ASH2L: variants seen among roughly 807,000 people sequenced by gnomAD.
ASH2L encodes set1/Ash2 histone methyltransferase complex subunit ASH2.
Under a neutral mutation model 81.1 loss-of-function variants are expected in ASH2L, and 30 were observed. The ratio of observed to expected loss-of-function variants is 0.37; its 90% CI spans 0.28 to 0.50. The LOEUF is 0.50. ASH2L is among the 20% of genes least tolerant of loss of function. ASH2L has a pLI of 0.95. For synonymous variants in ASH2L, 273 were observed against 279.9 expected (o/e 0.98, Z 0.24); for missense variants, 559 against 792.1 (o/e 0.71, Z 3.53).
rs1801937307 is a variant in ASH2L, at chr8:38,128,307, C to G, written c.1182C>G (p.Ile394Met). The G allele has an allele frequency of 6.2e-7, 1 of 1,614,130 alleles. No homozygotes were observed. The highest frequency in any genetic ancestry group is 1.7e-5 in the Admixed American group (1 of 60,004). ...ALHDRAPQLKISDDRLTVVGE... is the reference protein window; with the variant it reads ...ALHDRAPQLKMSDDRLTVVGE... ...TCACCGCAGCTCCCCAGTTAAAGAT[C>G]TCAGATGACCGGCTGACTGTGGTTG... is the stretch of plus-strand genomic sequence containing the variant. The change falls in exon 11 of 16, where the codon ATC becomes ATG. Residue 394 changes from isoleucine to methionine, a missense_variant. Physicochemically the swap from Ile to Met is conservative, Grantham distance 10. Transcript: ENST00000343823.
At chr8:38,134,020 AC>A (rs998402338) in intron 13 of ASH2L, among the ~76,000 whole-genome samples, 6 of 152,038 alleles carry the variant, frequency 3.9e-5, no homozygotes, top group African/African-American at 1.4e-4. Context: ...CTATGACCTT[AC>A]CCCCAACCCT....
At chr8:38,105,844 G>A (rs879525393) in intron 1 of ASH2L, 106 bp downstream of exon 1, 80 of 1,435,888 alleles carry the variant, frequency 5.6e-5, no homozygotes, top group Non-Finnish European at 7.2e-5. Flanking sequence ...CCCAGGCCCC[G>A]CCGCCAATGG....
At chr8:38,132,104 C>T (rs1802084325) in intron 12 of ASH2L, among the ~76,000 whole-genome samples, 1 of 152,124 alleles carries the variant, frequency 6.6e-6, no homozygotes, top group Non-Finnish European at 1.5e-5. Flanking sequence ...GCCTCAGCCT[C>T]CCAAAATGCT....
At chr8:38,108,928 A>G (rs181849304) in intron 3 of ASH2L, among the ~76,000 whole-genome samples, 257 of 152,222 alleles carry the variant, frequency 1.7e-3, no homozygotes, top group Middle Eastern at 0.01. Context: ...AGAAATAGAA[A>G]AAAATTAGCT....
At chr8:38,106,798 A>T (rs181040838) in intron 2 of ASH2L, among the ~76,000 whole-genome samples, 29 of 141,964 alleles carry the variant, frequency 2.0e-4, no homozygotes, top group African/African-American at 7.3e-4. Flanking sequence ...GGCGTGAGCC[A>T]CCGCGCCCGG....
In ASH2L at chr8:38,139,116, G is replaced by A. The variant is rs1396558674; in HGVS notation, c.*45G>A. The A allele has an allele frequency of 7.0e-7, 1 of 1,422,452 alleles. No homozygotes were observed. The highest frequency in any genetic ancestry group is 2.5e-5 in the Admixed American group (1 of 40,714). 88.1% of individuals were successfully genotyped at this position (1,422,452 alleles called of 1,614,324 possible). ...CAAGGACTTTCTGGGAATAATACTG[G>A]GGGTTTTGTTTTTGTTTTTGAACTG... On this transcript the variant is annotated 3_prime_UTR_variant, in exon 16 of 16. Coordinates refer to ENST00000343823, the MANE Select transcript of ASH2L (RefSeq NM_004674.5).
In ASH2L at chr8:38,121,034, G is replaced by T. The variant is rs766201172; in HGVS notation, c.1050G>T (p.Pro350=). 9 of 1,613,434 alleles carry T rather than the reference G, an allele frequency of 5.6e-6. No homozygotes were observed. Among genetic ancestry groups the T allele is most frequent in the Admixed American group, 1.7e-5 (1 of 59,910 alleles). The change falls in exon 10 of 16, where the codon CCG becomes CCT. Residue 350 remains proline (P), a synonymous_variant. Transcript: ENST00000343823. The part of the protein sequence containing the change: ...GYRYILAEPD[P]HAPDPEKLEL... ...GGTATATTCTAGCTGAGCCTGATCC[G>T]CACGCCCCTGACCCCGAGAAGCTGG...
intron 13 of ASH2L, among the ~76,000 whole-genome samples, chr8:38,134,738 G>T (rs1802188008): frequency 6.6e-6 from 1 of 152,088 alleles, no homozygotes; most frequent in South Asian, 2.1e-4. Flanking sequence ...AAAGAAACGA[G>T]TTTCAGCTGT....
Position 38,135,774 on chromosome 8 carries a change from C to T in ASH2L, c.1719+8C>T. The T allele has an allele frequency of 6.3e-7, 1 of 1,584,976 alleles. No individual in the cohort carries two copies. Among genetic ancestry groups the T allele is most frequent in the Non-Finnish European group, 8.6e-7 (1 of 1,166,490 alleles). The stretch of plus-strand genomic sequence containing the variant: ...CTGTACAAGAGCTGCACGGTACGTA[C>T]ATGTTTCCATCCCATGAGCAAAACT... On this transcript the variant is annotated splice_region_variant and intron_variant, in intron 14 of 15. Transcript: ENST00000343823.
chr8:38,120,618 T>TTCCC (rs1563255027), intron 9 of ASH2L, among the ~76,000 whole-genome samples: 1 of 4,582 alleles, frequency 2.2e-4, no homozygotes, highest in Non-Finnish European at 1.7e-3. Flanking sequence ...TCTCCTCCCT[T>TTCCC]CCCCCCCCCC....
rs200960407 is a variant in ASH2L, at chr8:38,107,061, C to T, written c.296C>T (p.Ala99Val). ...GDTSEVMDTQAGSVDEENGRQ... is the reference protein window; with the variant it reads ...GDTSEVMDTQVGSVDEENGRQ... ...ACATCAGAGGTGATGGATACTCAGG[C>T]GGGCTCCGTGGATGAAGAGAATGGC... is the stretch of plus-strand genomic sequence containing the variant. The change falls in exon 3 of 16, where the codon GCG becomes GTG. Residue 99 changes from alanine to valine, a missense_variant. Around this residue, in one of 4 missense-constraint regions of ASH2L, gnomAD observed 318 missense variants for 527.0 expected, o/e 0.60. Transcript: ENST00000343823. 53 of 1,613,986 alleles carry T rather than the reference C, an allele frequency of 3.3e-5. No homozygotes were observed. The African/African-American group carries it at 4.5e-4, about 14-fold the overall frequency.
At chr8:38,121,639 T>G (rs1345970537) in intron 10 of ASH2L, among the ~76,000 whole-genome samples, 2 of 152,152 alleles carry the variant, frequency 1.3e-5, no homozygotes, top group East Asian at 3.8e-4. Context: ...AAGCCATTGC[T>G]TATCTTTCAT....
chr8:38,134,283 A>G (rs923021156), intron 13 of ASH2L, among the ~76,000 whole-genome samples: 21 of 152,052 alleles, frequency 1.4e-4, no homozygotes, highest in African/African-American at 4.8e-4. Flanking sequence ...ACCCTGCCAA[A>G]TCCCCCTCTG....
At position 38,138,987 on chromosome 8, in the gene ASH2L, C is replaced by T. The variant is rs778826762; in HGVS notation, c.1803C>T (p.Ala601=). The change falls in exon 16 of 16, where the codon GCC becomes GCT. Residue 601 remains alanine (A), a synonymous_variant. Coordinates refer to ENST00000343823, the MANE Select transcript of ASH2L (RefSeq NM_004674.5). ...AGATGAGTGACATGGGCTGGGGCGC[C>T]GTGGTAGAGCACACCCTGGCTGACG... ...YRPMSDMGWG[A]VVEHTLADVL... The T allele has an allele frequency of 1.2e-5, 20 of 1,613,770 alleles. No homozygotes were observed. Among genetic ancestry groups the T allele is most frequent in the Middle Eastern group, 1.6e-4 (1 of 6,084 alleles).
At chr8:38,120,670 A>G (rs1811108868) in intron 9 of ASH2L, among the ~76,000 whole-genome samples, 1 of 119,196 alleles carries the variant, frequency 8.4e-6, no homozygotes, top group South Asian at 2.9e-4. Flanking sequence ...ATAGACATCA[A>G]TTCATGTTTA....
At chr8:38,134,561 A>G (rs988136144) in intron 13 of ASH2L, among the ~76,000 whole-genome samples, 6 of 152,212 alleles carry the variant, frequency 3.9e-5, no homozygotes, top group Non-Finnish European at 8.8e-5. Flanking sequence ...CCAAGGTCAT[A>G]GCACAGTCAG....
At chr8:38,136,335 G>A (rs1204649093) in intron 14 of ASH2L, among the ~76,000 whole-genome samples, 1 of 149,014 alleles carries the variant, frequency 6.7e-6, no homozygotes, top group East Asian at 2.0e-4. Flanking sequence ...CTCCCAAAGT[G>A]CTGGGATTAC....
rs71216650 is a variant in ASH2L at position 38,130,227 on chromosome 8, C to CT, written c.1527+1295dup. ...ATTGCTATTCTGAGACTTCTCTGTTCTTTTTTTTTTTTTTTTTTTAAGTTT... is the reference window on the plus strand; with the variant it reads ...ATTGCTATTCTGAGACTTCTCTGTTCTTTTTTTTTTTTTTTTTTTTAAGTTT... On this transcript the variant is annotated intron_variant, in intron 12 of 15. Coordinates refer to ENST00000343823, the MANE Select transcript of ASH2L (RefSeq NM_004674.5). Among the ~76,000 whole-genome samples the CT allele has an allele frequency of 9.3e-3, 805 of 86,226 alleles. 8 individuals are homozygous for CT. The highest frequency in any genetic ancestry group is 0.028 in the African/African-American group (610 of 21,456). The allele number at this position is 86,226 out of a possible 152,430, so 56.6% of individuals were successfully genotyped here.
At position 38,106,381 on chromosome 8, in the gene ASH2L, G is replaced by A. The variant is rs564517235; in HGVS notation, c.192G>A (p.Glu64=). The A allele has an allele frequency of 6.2e-7, 1 of 1,613,988 alleles. No individual in the cohort carries two copies. Among genetic ancestry groups the A allele is most frequent in the African/African-American group, 1.3e-5 (1 of 75,020 alleles). Residue 64 remains glutamate (E), a synonymous_variant, in exon 2 of 16, where the codon GAG becomes GAA. Transcript: ENST00000343823. ...EPSSGEAEGG[E]ANLVDVSGGL... is the part of the protein sequence containing the mutation. ...GAGCGCTTTCATTATCTTATAGGGA[G>A]GCAAACTTGGTCGATGTAAGCGGTG...
Sources: gnomAD v4.1 joint callset for allele counts (sites outside exome capture counted in the v4.1 genomes callset) on GRCh38, gnomAD v4.1.1 for gene constraint, gnomAD v4.1.1 regional missense constraint, MANE v1.5 for transcripts, NCBI Gene and HGNC (gene_info 2026-07-23, HGNC 2026-07-21) for gene names.